The following FAM163A variants were observed in gnomAD, a reference collection of about 807,000 sequenced individuals.
FAM163A encodes the protein protein FAM163A.
A neutral mutation model predicts 12.0 loss-of-function variants in FAM163A; 7 were observed. The ratio of observed to expected loss-of-function variants is 0.58; its 90% confidence interval spans 0.33 to 1.10. The LOEUF (loss-of-function observed/expected upper bound fraction) is 1.10, where lower values mean the gene tolerates loss of function less well. FAM163A is among the 50% of genes least tolerant of loss of function. The pLI is 0.03. For synonymous variants in FAM163A, 101 were observed against 91.0 expected (o/e 1.11, Z -0.62); for missense variants, 202 against 218.6 (o/e 0.92, Z 0.48).
In FAM163A at chr1:179,770,789, C is replaced by T. The variant is rs75116059; in HGVS notation, c.-136+27366C>T. 8.3e-3 allele frequency among the ~76,000 whole-genome samples: 1,194 copies of T among 143,962 alleles called. 23 individuals carry two copies. Among genetic ancestry groups the T allele is most frequent in the African/African-American group, 0.029 (1,116 of 38,290 alleles). 94.4% of individuals were successfully genotyped at this position (143,962 alleles called of 152,430 possible). A position where few individuals can be genotyped will look rare whatever the true frequency, so the allele number is the denominator to read the frequency against. On this transcript the variant is annotated intron_variant, in intron 1 of 4. Transcript: ENST00000341785. ...CCCAAGTCAGGTTGGTGTTCCTTCT[C>T]TGTGCTCACCTGGAAACGCCCCCAT...
chr1:179,759,146 C>T (rs1305571700), intron 1 of FAM163A, among the ~76,000 whole-genome samples: 1 of 152,092 alleles, frequency 6.6e-6, no homozygotes, highest in South Asian at 2.1e-4. Context: ...TTCTTTGTCA[C>T]GAGGAGTTTT....
chr1:179,811,909 G>A (rs988362125), intron 2 of FAM163A, among the ~76,000 whole-genome samples: 2 of 152,160 alleles, frequency 1.3e-5, no homozygotes, highest in Non-Finnish European at 2.9e-5. Context: ...TGACCACTGG[G>A]ACATCCACTG....
At chr1:179,749,105 G>A (rs1684904306) in intron 1 of FAM163A, among the ~76,000 whole-genome samples, 1 of 152,228 alleles carries the variant, frequency 6.6e-6, no homozygotes, top group African/African-American at 2.4e-5. Flanking sequence ...TGGAGTAAGA[G>A]TGCTGGTGAT....
the FAM163A span, among the ~76,000 whole-genome samples, chr1:179,728,253 G>C: frequency 6.6e-6 from 1 of 152,098 alleles, no homozygotes; most frequent in African/African-American, 2.4e-5. Flanking sequence ...TTTGAGTCCT[G>C]GGAACGTACA....
chr1:179,783,783 A>T (rs1229112718), intron 1 of FAM163A, among the ~76,000 whole-genome samples: 1 of 133,832 alleles, frequency 7.5e-6, no homozygotes, highest in East Asian at 2.0e-4. Context: ...TATATATATT[A>T]TATAATTTAT....
At chr1:179,800,913 A>G (rs1276164381) in intron 1 of FAM163A, among the ~76,000 whole-genome samples, 2 of 152,212 alleles carry the variant, frequency 1.3e-5, no homozygotes, top group Non-Finnish European at 2.9e-5. Flanking sequence ...TAGCTCAGGC[A>G]TAACTCAAAT....
intron 1 of FAM163A, among the ~76,000 whole-genome samples, chr1:179,795,980 T>TATTATTATTATTATTATTATTATTATTA (rs1553226055): frequency 2.0e-5 from 3 of 150,676 alleles, no homozygotes; most frequent in South Asian, 2.1e-4. Context: ...TTATTATTAT[T>TATTATTATTATTATTATTATTATTATTA]TTACAACTGT....
intron 1 of FAM163A, among the ~76,000 whole-genome samples, chr1:179,773,539 G>C (rs1688544524): frequency 6.6e-6 from 1 of 152,208 alleles, no homozygotes; most frequent in Non-Finnish European, 1.5e-5. Context: ...ATCTACAACT[G>C]TCTCAAAACA....
intron 1 of FAM163A, among the ~76,000 whole-genome samples, chr1:179,784,076 C>T (rs1293416610): frequency 6.6e-6 from 1 of 152,088 alleles, no homozygotes; most frequent in Admixed American, 6.6e-5. Flanking sequence ...GATCCTTCTG[C>T]ATAGGTTGGC....
At chr1:179,771,483 C>T (rs1048055062) in intron 1 of FAM163A, among the ~76,000 whole-genome samples, 2 of 152,092 alleles carry the variant, frequency 1.3e-5, no homozygotes, top group Admixed American at 6.5e-5. Flanking sequence ...CTGGCCTGTG[C>T]GTCTACCTCA....
intron 1 of FAM163A, among the ~76,000 whole-genome samples, chr1:179,797,106 G>A (rs185914429): frequency 2.0e-5 from 3 of 152,320 alleles, no homozygotes; most frequent in East Asian, 3.9e-4. Context: ...TCTCAGAGCC[G>A]TCGCAGGACT....
At chr1:179,766,278 A>G (rs186298244) in intron 1 of FAM163A, among the ~76,000 whole-genome samples, 1 of 152,322 alleles carries the variant, frequency 6.6e-6, no homozygotes, top group East Asian at 1.9e-4. Context: ...GCTTTCCCAT[A>G]AAGAAATTAT....
chr1:179,783,163 A>G (rs970031456), intron 1 of FAM163A, among the ~76,000 whole-genome samples: 10 of 152,014 alleles, frequency 6.6e-5, no homozygotes, highest in African/African-American at 2.4e-4. Flanking sequence ...CCATTCATTC[A>G]TTCATTCAAA....
chr1:179,778,158 T>C (rs1689235705), intron 1 of FAM163A, among the ~76,000 whole-genome samples: 7 of 152,306 alleles, frequency 4.6e-5, no homozygotes, highest in Admixed American at 3.3e-4. Context: ...TAACAAATCA[T>C]TTTCCCATCT....
At chr1:179,783,269 A>C (rs1199179374) in intron 1 of FAM163A, among the ~76,000 whole-genome samples, 1 of 152,206 alleles carries the variant, frequency 6.6e-6, no homozygotes, top group Non-Finnish European at 1.5e-5. Context: ...GAAAGACTTA[A>C]CTGTTGCTGC....
chr1:179,770,712 A>C (rs951181895), intron 1 of FAM163A, among the ~76,000 whole-genome samples: 2 of 151,992 alleles, frequency 1.3e-5, no homozygotes, highest in Non-Finnish European at 2.9e-5. Flanking sequence ...CGCACCCCAC[A>C]GGCCTCAGCT....
chr1:179,741,903 T>G (rs1373725410), upstream of FAM163A: 3 of 152,196 alleles, frequency 2.0e-5, no homozygotes, highest in Non-Finnish European at 4.4e-5. Flanking sequence ...CTGGGTGGTG[T>G]TTGGTTTATG....
chr1:179,805,959 G>T (rs549096571), intron 1 of FAM163A, among the ~76,000 whole-genome samples: 68 of 152,238 alleles, frequency 4.5e-4, no homozygotes, highest in Admixed American at 2.2e-3. Context: ...TCTGGAGGCC[G>T]CCTGCAGCCT....
chr1:179,740,199 G>A (rs1325614184), upstream of FAM163A, among the ~76,000 whole-genome samples: 1 of 149,614 alleles, frequency 6.7e-6, no homozygotes, highest in Non-Finnish European at 1.5e-5. Flanking sequence ...TGTTGTTGTT[G>A]AGACGTCTTG....
Sources: gnomAD v4.1 joint callset for allele counts (sites outside exome capture counted in the v4.1 genomes callset) on GRCh38, gnomAD v4.1.1 for gene constraint, MANE v1.5 for transcripts, NCBI Gene and HGNC (gene_info 2026-07-23, HGNC 2026-07-21) for gene names.